Variants in SAFB observed in about 807,000 individuals in gnomAD.
SAFB encodes the protein scaffold attachment factor B.
SAFB carries 15 observed loss-of-function variants against 101.6 expected under a neutral mutation model. The ratio of observed to expected loss-of-function variants is 0.15; its 90% confidence interval spans 0.10 to 0.23. SAFB has a LOEUF of 0.23. Ranked by LOEUF, SAFB falls within the 10% of genes least tolerant of loss-of-function variation. The probability of loss-of-function intolerance (pLI) is 1.00; values close to 1 mark genes in which losing one functional copy is unlikely to be tolerated. For synonymous variants in SAFB, 449 were observed against 407.5 expected, an observed-to-expected ratio of 1.10 and a Z score of -1.23; for missense variants, 930 against 1,104.1, an observed-to-expected ratio of 0.84 and a Z score of 2.23.
chr19:5,651,015 A>G lies in SAFB; in HGVS notation c.1236A>G (p.Gly412=). ...SSCGRNFWVS[G]LSSTTRATDL... ...GTGGTAGAAATTTCTGGGTTAGTGG[A>G]CTCTCTTCTACAACCAGAGCTACAG... Residue 412 remains glycine (G), a synonymous_variant, in exon 9 of 21, where the codon GGA becomes GGG. Coordinates refer to ENST00000588852, the MANE Select transcript of SAFB (RefSeq NM_001201338.2). 6.2e-7 allele frequency: 1 copy of G among 1,608,944 alleles called. No homozygotes were observed. The highest frequency in any genetic ancestry group is 8.5e-7 in the Non-Finnish European group (1 of 1,177,356).
intron 2 of SAFB, among the ~76,000 whole-genome samples, chr19:5,630,984 G>A (rs2145404219): frequency 6.6e-6 from 1 of 152,126 alleles, no homozygotes; most frequent in South Asian, 2.1e-4. Context: ...CTGAGGTCAG[G>A]AGTTCGAGAC....
In SAFB at chr19:5,626,424, G is replaced by C; in HGVS notation, c.209G>C (p.Gly70Ala). ...RLKKAIEDEG[G>A]NPDEIEITSE... Reference sequence around the variant, plus strand: ...TTTTAGGCAATTGAAGATGAAGGTGGTAATCCTGACGAAATTGAAATTACC... The same window carrying C: ...TTTTAGGCAATTGAAGATGAAGGTGCTAATCCTGACGAAATTGAAATTACC... The change falls in exon 2 of 21, where the codon GGT (glycine) becomes GCT (alanine). Residue 70 changes from glycine to alanine, a missense_variant. Around this residue, in one of 7 missense-constraint regions of SAFB, gnomAD observed 119 missense variants for 171.4 expected, o/e 0.69. Coordinates refer to ENST00000588852, the MANE Select transcript of SAFB (RefSeq NM_001201338.2). 1 of 1,607,804 alleles carries C rather than the reference G, an allele frequency of 6.2e-7. No homozygotes were observed. The highest frequency in any genetic ancestry group is 8.5e-7 in the Non-Finnish European group (1 of 1,174,260).
chr19:5,640,099 C>T (rs535100660), intron 2 of SAFB, among the ~76,000 whole-genome samples: 2 of 152,224 alleles, frequency 1.3e-5, no homozygotes, highest in African/African-American at 4.8e-5. Context: ...GGTGATCCGC[C>T]TGCCTCGGCC....
intron 14 of SAFB, among the ~76,000 whole-genome samples, chr19:5,657,601 G>A (rs1178306074): frequency 1.3e-5 from 2 of 151,796 alleles, no homozygotes; most frequent in African/African-American, 2.4e-5. Context: ...GCGTGACCTC[G>A]GCTCACTGCA....
At chr19:5,629,004 T>A (rs2053430167) in intron 2 of SAFB, among the ~76,000 whole-genome samples, 1 of 152,178 alleles carries the variant, frequency 6.6e-6, no homozygotes, top group South Asian at 2.1e-4. Flanking sequence ...CAGTCATAGT[T>A]CGCTGCAGCC....
intron 14 of SAFB, among the ~76,000 whole-genome samples, chr19:5,659,680 C>G (rs1182048354): frequency 6.6e-6 from 1 of 150,900 alleles, no homozygotes; most frequent in Non-Finnish European, 1.5e-5. Context: ...TGCGCCCAGC[C>G]TATTCCTTTA....
chr19:5,625,152 A>C (rs2053329917), intron 1 of SAFB, among the ~76,000 whole-genome samples: 1 of 152,090 alleles, frequency 6.6e-6, no homozygotes, highest in South Asian at 2.1e-4. Context: ...CCACTCACCC[A>C]AGCCAGTCTG....
chr19:5,662,702 G>T (rs1245046079), intron 15 of SAFB, among the ~76,000 whole-genome samples: 1 of 148,886 alleles, frequency 6.7e-6, no homozygotes. Flanking sequence ...GTGCAATGGC[G>T]CGATCGCTGC....
intron 4 of SAFB, among the ~76,000 whole-genome samples, chr19:5,644,798 T>C (rs72979023): frequency 0.041 from 6,276 of 152,308 alleles, 182 homozygotes; most frequent in Non-Finnish European, 0.063. Context: ...GAATAAAAGC[T>C]ATTCTTCCCC....
In SAFB at chr19:5,653,078, T is replaced by A. The variant is rs778013856; in HGVS notation, c.1294-37T>A. 24 of 1,611,478 alleles carry A rather than the reference T, an allele frequency of 1.5e-5. 1 individual carries two copies. In the South Asian group the frequency reaches 2.6e-4, roughly 18 times the overall value. ...TATCCCCATGCCCCGCTCAGTGGGCTTCATGTCTGAGTCATATTTGCCTGC... is the reference window on the plus strand; with the variant it reads ...TATCCCCATGCCCCGCTCAGTGGGCATCATGTCTGAGTCATATTTGCCTGC... On this transcript the variant is annotated intron_variant, in intron 9 of 20. Transcript: ENST00000588852.
chr19:5,640,131 G>A (rs1016013927), intron 2 of SAFB, among the ~76,000 whole-genome samples: 20 of 151,930 alleles, frequency 1.3e-4, no homozygotes, highest in African/African-American at 4.8e-4. Flanking sequence ...GGGATTACAG[G>A]CGTGAGCCAC....
At chr19:5,641,519 G>T in intron 2 of SAFB, 75 bp from the exon 3 acceptor site, 2 of 1,172,914 alleles carry the variant, frequency 1.7e-6, no homozygotes, top group Non-Finnish European at 2.5e-6. Flanking sequence ...GACCACTTGT[G>T]TAGTGCTCAG....
At chr19:5,624,500 T>C (rs1050743059) in intron 1 of SAFB, among the ~76,000 whole-genome samples, 11 of 152,028 alleles carry the variant, frequency 7.2e-5, no homozygotes, top group Non-Finnish European at 1.5e-4. Context: ...CTTATTCCTG[T>C]AGCTTTTTTT....
intron 2 of SAFB, among the ~76,000 whole-genome samples, chr19:5,627,207 C>T (rs949843479): frequency 2.6e-5 from 4 of 151,552 alleles, no homozygotes; most frequent in African/African-American, 9.7e-5. Flanking sequence ...GGGCGGGGCA[C>T]AGTGTCTCTC....
chr19:5,645,215 C>G, intron 4 of SAFB, 122 bp from the exon 5 acceptor site: 1 of 557,304 alleles, frequency 1.8e-6, no homozygotes. Flanking sequence ...TGATTTCTGC[C>G]CTGGGTTTAA....
chr19:5,654,385 C>T lies in SAFB; in HGVS notation c.1684C>T (p.Arg562Trp), dbSNP rs2054008346. The change falls in exon 13 of 21, where the codon CGG becomes TGG. Residue 562 changes from arginine to tryptophan, a missense_variant. By Grantham distance (101) the Arg-to-Trp change is moderately radical. This residue lies in a region of SAFB where 159 missense variants were observed against 234.1 expected (regional missense o/e 0.68). Coordinates refer to ENST00000588852, the MANE Select transcript of SAFB (RefSeq NM_001201338.2). ...ATKSGSRGTE[R>W]TVVMDKSKGV... ...TTCTGTAGGAAGTCGAGGGACCGAACGGACTGTAGTAATGGATAAATCCAA... is the reference window on the plus strand; with the variant it reads ...TTCTGTAGGAAGTCGAGGGACCGAATGGACTGTAGTAATGGATAAATCCAA... The T allele has an allele frequency of 1.9e-6, 3 of 1,612,828 alleles. No homozygotes were observed. Among genetic ancestry groups the T allele is most frequent in the African/African-American group, 1.3e-5 (1 of 74,982 alleles).
chr19:5,642,677 T>TTTTTTTTTTTTC (rs1162835303), intron 4 of SAFB, among the ~76,000 whole-genome samples: 2 of 140,160 alleles, frequency 1.4e-5, no homozygotes, highest in Non-Finnish European at 3.1e-5. Context: ...TTTTTTTTTT[T>TTTTTTTTTTTTC]CTGAGACAGA....
chr19:5,637,365 A>AT (rs1222456013), intron 2 of SAFB, among the ~76,000 whole-genome samples: 32 of 147,390 alleles, frequency 2.2e-4, no homozygotes, highest in African/African-American at 8.1e-4. Flanking sequence ...AAAAAAATTG[A>AT]TTTTCAGGCT....
intron 11 of SAFB, 26 bp from the exon 12 acceptor site, chr19:5,654,035 C>G (rs1232064822): frequency 4.3e-6 from 7 of 1,612,204 alleles, no homozygotes; most frequent in Middle Eastern, 3.3e-4. Context: ...GCCACCACGC[C>G]CAGCCAACAT....
Sources: gnomAD v4.1 joint callset for allele counts (sites outside exome capture counted in the v4.1 genomes callset) on GRCh38, gnomAD v4.1.1 for gene constraint, gnomAD v4.1.1 regional missense constraint, MANE v1.5 for transcripts, NCBI Gene and HGNC (gene_info 2026-07-23, HGNC 2026-07-21) for gene names.